TRPM6: variants seen among roughly 807,000 people sequenced by gnomAD.
TRPM6 encodes channel kinase 2.
Under a neutral mutation model 247.6 loss-of-function variants are expected in TRPM6, and 111 were observed. That is an observed-to-expected ratio of 0.45 (90% CI 0.38 to 0.52). The LOEUF (loss-of-function observed/expected upper bound fraction) is 0.52, where lower values mean the gene tolerates loss of function less well. Ranked by LOEUF, TRPM6 falls within the 20% of genes least tolerant of loss-of-function variation. The pLI, the probability that TRPM6 is intolerant of heterozygous loss-of-function variation, is 0.00. For synonymous variants in TRPM6, 892 were observed against 853.8 expected (o/e 1.04, Z -0.78); for missense variants, 2,126 against 2,421.5 (o/e 0.88, Z 2.56).
rs750286136 is a variant in TRPM6 at position 74,812,388 on chromosome 9, G to A, written c.1354C>T (p.Arg452Trp). 5.6e-6 allele frequency: 9 copies of A among 1,613,820 alleles called. No homozygotes were observed. The highest frequency in any genetic ancestry group is 1.3e-5 in the African/African-American group (1 of 74,884). ...QAMSDALVMD[R>W]VDFVKLLIEY... ...ATTAAGAGCTTCACAAAATCCACCC[G>A]ATCCATCACTAAAGCATCTGACATT... The change falls in exon 12 of 39, where the codon CGG (arginine) becomes TGG (tryptophan). Residue 452 changes from arginine to tryptophan, a missense_variant. Arg to Trp is a moderately radical substitution (Grantham distance 101). Coordinates refer to ENST00000360774, the MANE Select transcript of TRPM6 (RefSeq NM_017662.5).
chr9:74,738,432 TC>T lies in TRPM6; in HGVS notation c.5750del (p.Gly1917GlufsTer6). On this transcript the variant is annotated frameshift_variant, in exon 36 of 39. Coordinates refer to ENST00000360774, the MANE Select transcript of TRPM6 (RefSeq NM_017662.5). ...FSHWTYEYTRGELLVLDLQGV... is the reference protein window; with the variant it reads ...FSHWTYEYTRXELLVLDLQGV... ...CTTGCAAATCTAAAACCAGCAGCTCTCCCCGAGTGTACTCATAGGTCCAGTG... is the reference window on the plus strand; with the variant it reads ...CTTGCAAATCTAAAACCAGCAGCTCTCCCGAGTGTACTCATAGGTCCAGTG... The T allele has an allele frequency of 6.2e-7, 1 of 1,614,010 alleles. No individual in the cohort carries two copies. The highest frequency in any genetic ancestry group is 1.3e-5 in the African/African-American group (1 of 75,014).
intron 21 of TRPM6, among the ~76,000 whole-genome samples, chr9:74,783,974 G>T (rs181940650): frequency 6.6e-6 from 1 of 152,136 alleles, no homozygotes; most frequent in African/African-American, 2.4e-5. Context: ...GGAAAAAGCC[G>T]GCCGGGCTCA....
chr9:74,861,553 C>T (rs1356306449), intron 1 of TRPM6, among the ~76,000 whole-genome samples: 6 of 152,118 alleles, frequency 3.9e-5, no homozygotes, highest in African/African-American at 1.4e-4. Flanking sequence ...TGAATGGCAG[C>T]TTTGTAGTAG....
intron 3 of TRPM6, among the ~76,000 whole-genome samples, chr9:74,845,204 G>GA (rs1830069871): frequency 6.6e-6 from 1 of 152,154 alleles, no homozygotes; most frequent in East Asian, 1.9e-4. Context: ...TGTGCCACTG[G>GA]AAAAATGGCA....
At position 74,834,060 on chromosome 9, in the gene TRPM6, A is replaced by T. The variant is rs1431527023; in HGVS notation, c.607T>A (p.Trp203Arg). The T allele has an allele frequency of 6.2e-7, 1 of 1,614,128 alleles. No homozygotes were observed. Among genetic ancestry groups the T allele is most frequent in the Admixed American group, 1.7e-5 (1 of 60,024 alleles). Residue 203 changes from tryptophan to arginine, a missense_variant, in exon 6 of 39, where the codon TGG becomes AGG. Coordinates refer to ENST00000360774, the MANE Select transcript of TRPM6 (RefSeq NM_017662.5). ...SHSSHSLRKI[W>R]TVGIPPWGVI... ...CCCCAAGGAGGGATTCCAACTGTCCAGATTTTTCTCAAGGAATGAGAGGAA... is the reference window on the plus strand; with the variant it reads ...CCCCAAGGAGGGATTCCAACTGTCCTGATTTTTCTCAAGGAATGAGAGGAA...
At chr9:74,867,151 G>C (rs1418646730) in intron 1 of TRPM6, among the ~76,000 whole-genome samples, 1 of 152,202 alleles carries the variant, frequency 6.6e-6, no homozygotes, top group Admixed American at 6.5e-5. Context: ...GCCTCACAGA[G>C]ACATGTAGTT....
At chr9:74,853,761 C>T (rs943338605) in intron 3 of TRPM6, among the ~76,000 whole-genome samples, 6 of 152,044 alleles carry the variant, frequency 3.9e-5, no homozygotes, top group African/African-American at 1.2e-4. Flanking sequence ...ACCAGAGACC[C>T]TTGTTCACAT....
chr9:74,763,645 A>G (rs1434047373), intron 25 of TRPM6, among the ~76,000 whole-genome samples: 8 of 152,198 alleles, frequency 5.3e-5, no homozygotes, highest in African/African-American at 1.9e-4. Context: ...ATTAAAAAAA[A>G]AATCTCTAAC....
At chr9:74,740,058 T>A in intron 33 of TRPM6, 49 bp from the exon 34 acceptor site, 1 of 1,587,870 alleles carries the variant, frequency 6.3e-7, no homozygotes, top group Non-Finnish European at 8.6e-7. Flanking sequence ...GCCATGTCTG[T>A]GACATGAATA....
At chr9:74,872,130 GGT>G (rs1421090892) in intron 1 of TRPM6, among the ~76,000 whole-genome samples, 3 of 152,074 alleles carry the variant, frequency 2.0e-5, no homozygotes, top group African/African-American at 7.2e-5. Flanking sequence ...TAGGATTACA[GGT>G]GTCAGCCACC....
intron 23 of TRPM6, among the ~76,000 whole-genome samples, chr9:74,780,468 C>T (rs1160204778): frequency 1.4e-5 from 2 of 147,702 alleles, no homozygotes; most frequent in African/African-American, 5.0e-5. Flanking sequence ...AAAAAAAAAA[C>T]GAAGTGACAG....
intron 36 of TRPM6, among the ~76,000 whole-genome samples, chr9:74,733,556 G>A (rs1431928855): frequency 1.3e-5 from 2 of 152,118 alleles, no homozygotes; most frequent in East Asian, 1.9e-4. Context: ...TCGTAGCCTC[G>A]TTTTACATTT....
At chr9:74,760,075 A>G (rs1008500645) in intron 27 of TRPM6, among the ~76,000 whole-genome samples, 1 of 152,232 alleles carries the variant, frequency 6.6e-6, no homozygotes, top group African/African-American at 2.4e-5. Flanking sequence ...CCTGTCACCT[A>G]GTGACATTAC....
intron 6 of TRPM6, among the ~76,000 whole-genome samples, chr9:74,832,985 A>G (rs7030219): frequency 0.021 from 3,144 of 151,972 alleles, 103 homozygotes; most frequent in African/African-American, 0.07. Context: ...CAGGAGGTGG[A>G]GATTGCAGTG....
chr9:74,850,931 C>T (rs1469720218), intron 3 of TRPM6, among the ~76,000 whole-genome samples: 9 of 152,088 alleles, frequency 5.9e-5, no homozygotes, highest in Non-Finnish European at 1.5e-5. Context: ...AAACACAAGA[C>T]AAATAATGAT....
In TRPM6 at chr9:74,827,874, T is replaced by C; in HGVS notation, c.745A>G (p.Ile249Val). The C allele has an allele frequency of 1.9e-6, 3 of 1,614,056 alleles. No homozygotes were observed. Among genetic ancestry groups the C allele is most frequent in the East Asian group, 4.5e-5 (2 of 44,872 alleles). Residue 249 changes from isoleucine (I) to valine (V), a missense_variant, in exon 7 of 39, where the codon ATC becomes GTC. Ile to Val is a conservative substitution (Grantham distance 29). This residue lies in a region of TRPM6 where 1,082 missense variants were observed against 1,307.9 expected (regional missense o/e 0.83). Coordinates refer to ENST00000360774, the MANE Select transcript of TRPM6 (RefSeq NM_017662.5). ...CCCACGGTCCCATCATCAGACAGGA[T>C]GAAGTGCGAGTGCATGCTGTTGAGT... ...TTLNSMHSHF[I>V]LSDDGTVGKY...
chr9:74,846,598 G>A (rs1022833194), intron 3 of TRPM6, among the ~76,000 whole-genome samples: 7 of 151,744 alleles, frequency 4.6e-5, no homozygotes, highest in African/African-American at 1.7e-4. Flanking sequence ...AGGCTGGAAT[G>A]CAGTGTGACA....
At chr9:74,820,252 T>C in intron 9 of TRPM6, 52 bp downstream of exon 9, 1 of 1,590,512 alleles carries the variant, frequency 6.3e-7, no homozygotes, top group Non-Finnish European at 8.6e-7. Flanking sequence ...ATTACAGTGT[T>C]TATAAATTAG....
chr9:74,740,732 A>G (rs1474825846), intron 33 of TRPM6, among the ~76,000 whole-genome samples: 1 of 152,180 alleles, frequency 6.6e-6, no homozygotes, highest in East Asian at 1.9e-4. Context: ...GCACTCAAAT[A>G]GTTTCAGCCT....
Sources: allele counts gnomAD v4.1 joint callset (sites outside exome capture counted in the v4.1 genomes callset), GRCh38; gene constraint gnomAD v4.1.1; regional missense constraint gnomAD v4.1.1; transcripts MANE v1.5; gene names NCBI Gene and HGNC (gene_info 2026-07-23, HGNC 2026-07-21).